Variants in MGAM observed in about 807,000 individuals in gnomAD.
MGAM encodes maltase-glucoamylase, also known as alpha-1,4-glucosidase.
A neutral mutation model predicts 358.8 loss-of-function variants in MGAM; 253 were observed. The observed-to-expected ratio is 0.71, with a 90% CI of 0.64 to 0.78. The LOEUF (loss-of-function observed/expected upper bound fraction) is 0.78. Among genes scored for constraint, MGAM ranks in the 30% least tolerant of loss-of-function variants. The pLI is 0.00. For missense variants in MGAM, 3,080 were observed against 3,432.6 expected (o/e 0.90, Z 2.57); for synonymous variants, 1,105 against 1,227.1 (o/e 0.90, Z 2.08).
intron 62 of MGAM, 26 bp from the exon 63 acceptor site, chr7:142,094,721 G>T (rs781562114): frequency 3.1e-6 from 5 of 1,613,112 alleles, no homozygotes; most frequent in African/African-American, 2.7e-5. Flanking sequence ...TCATCAGCAG[G>T]CTCCTTTTAT....
chr7:142,024,956 T>G, intron 7 of MGAM, 94 bp from the exon 8 acceptor site: 1 of 788,622 alleles, frequency 1.3e-6, no homozygotes, highest in Non-Finnish European at 2.2e-6. Flanking sequence ...TGTCAATTAG[T>G]TGCATGATTA....
At chr7:142,009,860 G>A (rs1422904934) in intron 3 of MGAM, among the ~76,000 whole-genome samples, 3 of 152,082 alleles carry the variant, frequency 2.0e-5, no homozygotes, top group Non-Finnish European at 2.9e-5. Flanking sequence ...TGAGAGCTGA[G>A]GCTATGGATA....
At chr7:142,063,831 G>A (rs1812464518) in intron 36 of MGAM, among the ~76,000 whole-genome samples, 1 of 152,198 alleles carries the variant, frequency 6.6e-6, no homozygotes, top group Admixed American at 6.5e-5. Context: ...ATGGCACAAA[G>A]GGTTCTCACA....
intron 2 of MGAM, among the ~76,000 whole-genome samples, chr7:141,986,971 C>T (rs1390962527): frequency 6.6e-6 from 1 of 152,112 alleles, no homozygotes; most frequent in Non-Finnish European, 1.5e-5. Flanking sequence ...ATGCAGATAA[C>T]AGGAGGACAA....
Position 142,058,316 on chromosome 7 carries a change from C to T in MGAM, c.3807C>T (p.Ala1269=). ...IASLYDEMVA[A]QIPYDVQYSD... ...GCTTGTATGATGAGATGGTGGCTGC[C>T]CAGATCCCTTATGTACGTTCTCAGT... is the stretch of plus-strand genomic sequence containing the variant. Residue 1269 remains alanine (A), a synonymous_variant, in exon 31 of 71, where the codon GCC becomes GCT. Coordinates refer to ENST00000475668, the MANE Select transcript of MGAM (RefSeq NM_001365693.1). The T allele has an allele frequency of 6.2e-7, 1 of 1,613,854 alleles. No individual in the cohort carries two copies. Among genetic ancestry groups the T allele is most frequent in the Non-Finnish European group, 8.5e-7 (1 of 1,179,810 alleles).
chr7:142,040,154 T>A lies in MGAM; in HGVS notation c.2356T>A (p.Trp786Arg). 5 of 1,612,582 alleles carry A rather than the reference T, an allele frequency of 3.1e-6. No individual in the cohort carries two copies. Among genetic ancestry groups the A allele is most frequent in the Non-Finnish European group, 4.2e-6 (5 of 1,179,086 alleles). Reference protein sequence around the residue: ...KVMAYVPDAVWYDYETGSQVR... With the variant: ...KVMAYVPDAVRYDYETGSQVR... ...GATGGCATATGTGCCTGATGCTGTC[T>A]GGTATGACTACGAGACTGTAAGTAG... The change falls in exon 20 of 71, where the codon TGG (tryptophan) becomes AGG (arginine). Residue 786 changes from tryptophan to arginine, a missense_variant. Physicochemically the swap from Trp to Arg is moderately radical, Grantham distance 101. Coordinates refer to ENST00000475668, the MANE Select transcript of MGAM (RefSeq NM_001365693.1).
intron 6 of MGAM, 144 bp downstream of exon 6, chr7:142,021,881 C>T (rs1806496822): frequency 1.2e-6 from 1 of 838,520 alleles, no homozygotes; most frequent in Admixed American, 2.7e-5. Flanking sequence ...CTAAAGTATA[C>T]ATTTTTTTCT....
chr7:142,064,648 G>A, intron 37 of MGAM, 126 bp downstream of exon 37: 1 of 1,328,940 alleles, frequency 7.5e-7, no homozygotes, highest in Non-Finnish European at 1.0e-6. Context: ...ACTCTGTAAT[G>A]ATTCTTATTT....
At chr7:142,037,344 T>A (rs528394504) in intron 18 of MGAM, among the ~76,000 whole-genome samples, 4 of 152,194 alleles carry the variant, frequency 2.6e-5, no homozygotes, top group Non-Finnish European at 5.9e-5. Context: ...GATGGTCTCA[T>A]CTGTAATGCA....
intron 70 of MGAM, 106 bp from the exon 71 acceptor site, chr7:142,105,708 T>C: frequency 1.3e-6 from 1 of 794,946 alleles, no homozygotes; most frequent in Non-Finnish European, 2.2e-6. Context: ...CAATACAATG[T>C]AGAAGTATTA....
chr7:142,065,444 G>T lies in MGAM; in HGVS notation c.4594G>T (p.Asp1532Tyr), dbSNP rs1812629875. 6.2e-7 allele frequency: 1 copy of T among 1,610,514 alleles called. No homozygotes were observed. The highest frequency in any genetic ancestry group is 1.7e-5 in the Admixed American group (1 of 59,336). ...HWLGDNTAAW[D>Y]QLKKSIIGMM... ...GCTGGGAGACAACACGGCCGCATGGGATCAGCTGAAGAAGTCTATCATTGG... is the reference window on the plus strand; with the variant it reads ...GCTGGGAGACAACACGGCCGCATGGTATCAGCTGAAGAAGTCTATCATTGG... Residue 1532 changes from aspartate (D) to tyrosine (Y), a missense_variant, in exon 38 of 71, where the codon GAT becomes TAT. Asp to Tyr is a radical substitution (Grantham distance 160). This residue lies in a region of MGAM where 134 missense variants were observed against 198.4 expected (regional missense o/e 0.68). Coordinates refer to ENST00000475668, the MANE Select transcript of MGAM (RefSeq NM_001365693.1).
intron 20 of MGAM, 29 bp from the exon 21 acceptor site, chr7:142,040,693 A>C: frequency 1.2e-6 from 2 of 1,610,378 alleles, no homozygotes; most frequent in Non-Finnish European, 1.7e-6. Context: ...CTGTCATGCC[A>C]ATGTGTTTGA....
chr7:142,022,805 C>T (rs1806589186), intron 7 of MGAM, among the ~76,000 whole-genome samples: 1 of 152,176 alleles, frequency 6.6e-6, no homozygotes, highest in Non-Finnish European at 1.5e-5. Context: ...CTCTCAACAA[C>T]AGTTGATTGT....
intron 57 of MGAM, among the ~76,000 whole-genome samples, chr7:142,088,983 T>C (rs1221540030): frequency 1.1e-5 from 1 of 89,860 alleles, no homozygotes; most frequent in African/African-American, 3.5e-5. Flanking sequence ...TATGTATGTA[T>C]GTATGTATGT....
At chr7:142,000,597 C>T (rs2916189) in intron 1 of MGAM, among the ~76,000 whole-genome samples, 14,707 of 152,150 alleles carry the variant, frequency 0.097, 874 homozygotes, top group East Asian at 0.2. Context: ...AAACACCTGC[C>T]GTGTGATGAT....
intron 1 of MGAM, among the ~76,000 whole-genome samples, chr7:142,001,842 A>G (rs1262312972): frequency 6.6e-6 from 1 of 152,178 alleles, no homozygotes; most frequent in Non-Finnish European, 1.5e-5. Flanking sequence ...AGGACCCATT[A>G]CCTGTCTTCT....
At chr7:142,083,977 T>C (rs980955064) in intron 53 of MGAM, among the ~76,000 whole-genome samples, 5 of 145,166 alleles carry the variant, frequency 3.4e-5, no homozygotes, top group South Asian at 2.2e-4. Context: ...ATGGTGAAAA[T>C]AGTGATGATG....
chr7:142,095,162 G>A (rs562185476), intron 63 of MGAM, among the ~76,000 whole-genome samples: 9 of 152,120 alleles, frequency 5.9e-5, no homozygotes, highest in African/African-American at 2.2e-4. Context: ...ATGGGATCTT[G>A]CCATATTTCC....
At position 142,094,629 on chromosome 7, in the gene MGAM, A is replaced by T; in HGVS notation, c.7316A>T (p.Glu2439Val). ...GTGCTTCTCGTTGCAGGCATGATGGAGTTCAGCCTCTTCGGCATATCCTAT... is the reference window on the plus strand; with the variant it reads ...GTGCTTCTCGTTGCAGGCATGATGGTGTTCAGCCTCTTCGGCATATCCTAT... ...QLKKSIIGMM[E>V]FSLFGISYTG... The change falls in exon 62 of 71, where the codon GAG becomes GTG. Residue 2439 changes from glutamate to valine, a missense_variant. Coordinates refer to ENST00000475668, the MANE Select transcript of MGAM (RefSeq NM_001365693.1). 6.2e-7 allele frequency: 1 copy of T among 1,610,478 alleles called. No individual in the cohort carries two copies.
Sources: allele counts gnomAD v4.1 joint callset (sites outside exome capture counted in the v4.1 genomes callset), GRCh38; gene constraint gnomAD v4.1.1; regional missense constraint gnomAD v4.1.1; transcripts MANE v1.5; gene names NCBI Gene and HGNC (gene_info 2026-07-23, HGNC 2026-07-21).